The following HEATR5A variants were observed in gnomAD, a reference collection of about 807,000 sequenced individuals.
HEATR5A encodes HEAT repeat-containing protein 5A.
HEATR5A carries 178 observed loss-of-function variants against 218.8 expected under a neutral mutation model. The ratio of observed to expected loss-of-function variants is 0.81; its 90% CI spans 0.72 to 0.92. HEATR5A has a LOEUF of 0.92. Ranked by LOEUF, HEATR5A falls within the 40% of genes least tolerant of loss-of-function variation. HEATR5A has a pLI of 0.00. For missense variants in HEATR5A, 2,420 were observed against 2,418.9 expected (o/e 1.00, Z -0.01); for synonymous variants, 864 against 871.6 (o/e 0.99, Z 0.15).
chr14:31,315,986 T>G (rs1776162849), intron 26 of HEATR5A, 37 bp from the exon 27 acceptor site: 1 of 1,459,524 alleles, frequency 6.9e-7, no homozygotes, highest in Non-Finnish European at 9.2e-7. Context: ...ATTTTAAAAT[T>G]ATAAGTATCT....
chr14:31,307,895 G>A lies in HEATR5A; in HGVS notation c.4816C>T (p.Gln1606Ter). The A allele has an allele frequency of 6.2e-7, 1 of 1,610,942 alleles. No individual in the cohort carries two copies. Among genetic ancestry groups the A allele is most frequent in the Non-Finnish European group, 8.5e-7 (1 of 1,179,146 alleles). ...PWPRSKIGSD[Q>*]DLGIELLNVL... ...AAAAAAAACCCCAGATAAATCACCT[G>A]ATCACTGCCAATTTTTGATCTGGGC... The change falls in exon 30 of 36, where the codon CAG becomes TAG. Residue 1606 changes from glutamine (Q) to a stop codon, truncating the protein, a stop_gained and splice_region_variant. Transcript: ENST00000543095. LOFTEE classifies it high-confidence loss of function.
intron 33 of HEATR5A, among the ~76,000 whole-genome samples, chr14:31,297,932 T>C (rs1362134371): frequency 6.6e-6 from 1 of 152,152 alleles, no homozygotes. Flanking sequence ...TAACCACCTA[T>C]AGCAACTTGA....
At chr14:31,409,631 T>TG (rs1050043765) in intron 1 of HEATR5A, among the ~76,000 whole-genome samples, 1 of 152,044 alleles carries the variant, frequency 6.6e-6, no homozygotes, top group Non-Finnish European at 1.5e-5. Context: ...GATAGGGAGA[T>TG]GGAGGCTGCA....
chr14:31,315,317 T>C (rs1899879755), intron 27 of HEATR5A, among the ~76,000 whole-genome samples: 1 of 152,254 alleles, frequency 6.6e-6, no homozygotes, highest in African/African-American at 2.4e-5. Flanking sequence ...AAAAATACTA[T>C]AGCTTTCTCC....
chr14:31,367,569 A>AT (rs567217496), intron 13 of HEATR5A, among the ~76,000 whole-genome samples: 39,768 of 60,054 alleles, frequency 0.66, 16,023 homozygotes, highest in Non-Finnish European at 0.76. Flanking sequence ...TGCCCAGCTA[A>AT]TTTTTTTTTT....
chr14:31,337,977 TATA>T (rs371227758), intron 21 of HEATR5A, among the ~76,000 whole-genome samples: 148 of 152,322 alleles, frequency 9.7e-4, no homozygotes, highest in Middle Eastern at 3.4e-3. Flanking sequence ...GCAACTATAT[TATA>T]ATGTTTTATC....
intron 26 of HEATR5A, 82 bp downstream of exon 26, chr14:31,318,142 A>AG: frequency 8.4e-7 from 1 of 1,191,650 alleles, no homozygotes; most frequent in Non-Finnish European, 1.3e-6. Flanking sequence ...ACAACCATAA[A>AG]GAAAAAACAT....
chr14:31,397,934 C>T (rs1198610038), intron 4 of HEATR5A, among the ~76,000 whole-genome samples: 1 of 152,112 alleles, frequency 6.6e-6, no homozygotes, highest in Non-Finnish European at 1.5e-5. Flanking sequence ...ATCACAGGTG[C>T]GAACTACCAT....
chr14:31,294,216 G>T, intron 34 of HEATR5A, 112 bp from the exon 35 acceptor site: 1 of 740,400 alleles, frequency 1.4e-6, no homozygotes, highest in Non-Finnish European at 2.2e-6. Flanking sequence ...TTTCTAATTT[G>T]TGTTTAATTT....
intron 16 of HEATR5A, among the ~76,000 whole-genome samples, chr14:31,357,308 A>G (rs750215034): frequency 2.0e-5 from 3 of 152,240 alleles, no homozygotes; most frequent in Non-Finnish European, 4.4e-5. Flanking sequence ...ATGAAATTAA[A>G]ATATTTTTCT....
chr14:31,348,811 A>G (rs1901106957), intron 18 of HEATR5A, among the ~76,000 whole-genome samples: 1 of 152,200 alleles, frequency 6.6e-6, no homozygotes, highest in Admixed American at 6.5e-5. Context: ...ATTAGAGCCA[A>G]GTTAATAACC....
intron 6 of HEATR5A, 28 bp downstream of exon 6, chr14:31,394,024 G>T (rs1265817783): frequency 7.1e-7 from 1 of 1,406,902 alleles, no homozygotes; most frequent in South Asian, 1.3e-5. Context: ...TTACAGAAGA[G>T]ACTTTGAAAA....
At chr14:31,307,869 C>G in intron 30 of HEATR5A, 24 bp downstream of exon 30, 1 of 1,599,842 alleles carries the variant, frequency 6.3e-7, no homozygotes, top group Non-Finnish European at 8.5e-7. Flanking sequence ...AGAAGCCTTA[C>G]AAAAAAAACC....
chr14:31,304,661 C>T lies in HEATR5A; in HGVS notation c.5239+244G>A, dbSNP rs184832470. The stretch of plus-strand genomic sequence containing the variant: ...CGAACTCCTGACCTCAGGTGATCCA[C>T]CCACCTTGGCCTTCCAAAGTGCTGG... On this transcript the variant is annotated intron_variant, in intron 32 of 35. Transcript: ENST00000543095. Among the ~76,000 whole-genome samples, 7 of 152,326 alleles carry T rather than the reference C, an allele frequency of 4.6e-5. No homozygotes were observed. In the East Asian group the frequency reaches 1.2e-3, roughly 25 times the overall value.
At chr14:31,363,973 C>CA (rs1184096130) in intron 14 of HEATR5A, among the ~76,000 whole-genome samples, 9 of 151,322 alleles carry the variant, frequency 5.9e-5, no homozygotes, top group Non-Finnish European at 1.2e-4. Flanking sequence ...GACCCTGTCT[C>CA]AAAAAAAATT....
At chr14:31,351,396 A>T (rs1040456059) in intron 16 of HEATR5A, among the ~76,000 whole-genome samples, 1 of 151,930 alleles carries the variant, frequency 6.6e-6, no homozygotes, top group Non-Finnish European at 1.5e-5. Context: ...AGGAGGCTGA[A>T]GCAGAAGGGT....
In HEATR5A at chr14:31,295,989, G is replaced by A. The variant is rs1172643044; in HGVS notation, c.5539C>T (p.Pro1847Ser). ...AITVFILSTS[P>S]EVTTIPCLQK... ...AGGCATGGGATGGTAGTTACTTCTG[G>A]ACTGGTAGACAAAATAAACACTGTG... Residue 1847 changes from proline (P) to serine (S), a missense_variant, in exon 34 of 36, where the codon CCA (proline) becomes TCA (serine). By Grantham distance (74) the Pro-to-Ser change is moderately conservative. Transcript: ENST00000543095. 3 of 1,612,942 alleles carry A rather than the reference G, an allele frequency of 1.9e-6. No homozygotes were observed. The highest frequency in any genetic ancestry group is 2.7e-5 in the African/African-American group (2 of 74,862).
At chr14:31,355,707 T>C (rs545384955) in intron 16 of HEATR5A, among the ~76,000 whole-genome samples, 83 of 152,016 alleles carry the variant, frequency 5.5e-4, no homozygotes, top group Non-Finnish European at 1.0e-3. Flanking sequence ...CTGGGCTGTC[T>C]CAAAGAAAAA....
At chr14:31,415,842 T>G (rs1283772441) in intron 1 of HEATR5A, among the ~76,000 whole-genome samples, 1 of 152,144 alleles carries the variant, frequency 6.6e-6, no homozygotes, top group Non-Finnish European at 1.5e-5. Context: ...ATTTACCCAT[T>G]AAGAAGCATT....
Sources: allele counts gnomAD v4.1 joint callset (sites outside exome capture counted in the v4.1 genomes callset), GRCh38; gene constraint gnomAD v4.1.1; transcripts MANE v1.5; gene names NCBI Gene and HGNC (gene_info 2026-07-23, HGNC 2026-07-21).